The following SCN1A variants were observed in gnomAD, a reference collection of about 807,000 sequenced individuals.
SCN1A encodes sodium channel protein type 1 subunit alpha.
In SCN1A, 13 loss-of-function variants were observed where a neutral mutation model predicts 193.7. The ratio of observed to expected loss-of-function variants is 0.07; its 90% CI spans 0.04 to 0.11. The LOEUF (loss-of-function observed/expected upper bound fraction) is 0.11. SCN1A is among the 10% of genes least tolerant of loss of function. SCN1A has a pLI of 1.00. For synonymous variants in SCN1A, 781 were observed against 843.6 expected (o/e 0.93, Z 1.29); for missense variants, 1,432 against 2,451.1 (o/e 0.58, Z 8.78).
At chr2:166,017,690 A>G (rs1693487590) in intron 19 of SCN1A, among the ~76,000 whole-genome samples, 1 of 152,046 alleles carries the variant, frequency 6.6e-6, no homozygotes, top group Non-Finnish European at 1.5e-5. Context: ...TCATGAAACA[A>G]TTAGAGAGTG....
At chr2:166,062,956 A>T (rs1683470746) in intron 4 of SCN1A, among the ~76,000 whole-genome samples, 2 of 152,076 alleles carry the variant, frequency 1.3e-5, no homozygotes, top group African/African-American at 4.8e-5. Flanking sequence ...GTGGTGGAGG[A>T]GAAAAGGTTT....
intron 17 of SCN1A, among the ~76,000 whole-genome samples, chr2:166,038,946 A>C (rs1696799334): frequency 6.6e-6 from 1 of 152,212 alleles, no homozygotes. Flanking sequence ...TGTGTGAATT[A>C]ATGGGCATGC....
intron 4 of SCN1A, 28 bp from the exon 5 acceptor site, chr2:166,058,716 T>C (rs1169583248): frequency 8.0e-7 from 1 of 1,242,770 alleles, no homozygotes; most frequent in Non-Finnish European, 1.2e-6. Flanking sequence ...AACATAGAAG[T>C]ATGAAAGTAT....
At chr2:166,080,538 G>A (rs943087639) in intron 2 of SCN1A, among the ~76,000 whole-genome samples, 1 of 151,714 alleles carries the variant, frequency 6.6e-6, no homozygotes, top group Non-Finnish European at 1.5e-5. Flanking sequence ...AGAGTAGTGG[G>A]CAATAGAAAA....
chr2:166,092,461 GT>G (rs1686911513), intron 2 of SCN1A: 3 of 152,194 alleles, frequency 2.0e-5, no homozygotes, highest in Admixed American at 1.3e-4. Flanking sequence ...GCAGGTATTG[GT>G]TTGTTGATTA....
At chr2:166,044,179 A>G in intron 13 of SCN1A, 130 bp from the exon 14 acceptor site, 1 of 1,068,334 alleles carries the variant, frequency 9.4e-7, no homozygotes, top group Non-Finnish European at 1.3e-6. Context: ...CCTTTTGATT[A>G]TCATTCTCAT....
chr2:165,999,628 A>G lies in SCN1A; in HGVS notation c.4338+95T>C, dbSNP rs183642891. ...TTTTTCCCAAATATTTTAAATCAAG[A>G]TAGAATCATTTCATTTGGTCGTTTA... On this transcript the variant is annotated intron_variant, in intron 25 of 28. Coordinates refer to ENST00000674923, the MANE Select transcript of SCN1A (RefSeq NM_001165963.4). 101 of 917,338 alleles carry G rather than the reference A, an allele frequency of 1.1e-4. No homozygotes were observed. The East Asian group carries it at 2.3e-3, about 20-fold the overall frequency. 56.8% of individuals were successfully genotyped at this position (917,338 alleles called of 1,614,324 possible). A position where few individuals can be genotyped will look rare whatever the true frequency, so the allele number is the denominator to read the frequency against.
At chr2:166,135,371 CA>C in intron 1 of SCN1A, among the ~76,000 whole-genome samples, 1 of 144,034 alleles carries the variant, frequency 6.9e-6, no homozygotes, top group South Asian at 2.2e-4. Context: ...TTAGCATAAG[CA>C]AATATGTAGT....
At chr2:166,054,142 TTC>T (rs1399834591) in intron 7 of SCN1A, among the ~76,000 whole-genome samples, 1 of 152,020 alleles carries the variant, frequency 6.6e-6, no homozygotes, top group African/African-American at 2.4e-5. Context: ...ATCTTCTTTC[TTC>T]TCTTAGTTTG....
At chr2:166,144,307 G>C (rs901206872) in intron 1 of SCN1A, among the ~76,000 whole-genome samples, 1 of 152,180 alleles carries the variant, frequency 6.6e-6, no homozygotes, top group African/African-American at 2.4e-5. Flanking sequence ...TTTCGTTGGT[G>C]AAAACAGAGA....
intron 19 of SCN1A, among the ~76,000 whole-genome samples, chr2:166,031,045 G>C (rs922966447): frequency 5.9e-5 from 9 of 151,982 alleles, no homozygotes; most frequent in Non-Finnish European, 5.9e-5. Flanking sequence ...CATGAGTCAA[G>C]AAATTTTCTG....
chr2:166,061,468 T>C (rs1466914985), intron 4 of SCN1A, among the ~76,000 whole-genome samples: 1 of 152,090 alleles, frequency 6.6e-6, no homozygotes, highest in Non-Finnish European at 1.5e-5. Flanking sequence ...AAATTACAAC[T>C]AGATAGGAGG....
At chr2:165,998,550 G>A (rs1690405745) in intron 25 of SCN1A, among the ~76,000 whole-genome samples, 1 of 151,262 alleles carries the variant, frequency 6.6e-6, no homozygotes, top group African/African-American at 2.4e-5. Context: ...AGTCATTCAT[G>A]TATGCATGAA....
At chr2:166,126,221 T>TA (rs1337934366) in intron 2 of SCN1A, 1 of 152,208 alleles carries the variant, frequency 6.6e-6, no homozygotes. Context: ...AGACACCAGC[T>TA]AAAAATCTCT....
At position 165,998,258 on chromosome 2, in the gene SCN1A, A is replaced by T. The variant is rs532148333; in HGVS notation, c.4339-83T>A. The T allele has an allele frequency of 9.7e-5, 117 of 1,210,374 alleles. No individual in the cohort carries two copies. The African/African-American group carries it at 1.6e-3, about 17-fold the overall frequency. 75.0% of individuals were successfully genotyped at this position (1,210,374 alleles called of 1,614,324 possible). ...ACTGGTGCTTTTTCATAACAATAGA[A>T]AAAATTATTCTTACTAATATGTCAG... On this transcript the variant is annotated intron_variant, in intron 25 of 28. Coordinates refer to ENST00000674923, the MANE Select transcript of SCN1A (RefSeq NM_001165963.4).
intron 1 of SCN1A, among the ~76,000 whole-genome samples, chr2:166,140,529 A>C (rs1692038011): frequency 6.6e-6 from 1 of 152,170 alleles, no homozygotes; most frequent in Non-Finnish European, 1.5e-5. Flanking sequence ...CTTCCATAGC[A>C]AGTGAAAGAA....
At chr2:166,057,827 G>T (rs1699282202) in intron 5 of SCN1A, among the ~76,000 whole-genome samples, 1 of 151,954 alleles carries the variant, frequency 6.6e-6, no homozygotes, top group African/African-American at 2.4e-5. Flanking sequence ...AATCAGAAGT[G>T]AATTGTTTTC....
chr2:166,099,407 A>G (rs1343760307), intron 2 of SCN1A, among the ~76,000 whole-genome samples: 1 of 151,152 alleles, frequency 6.6e-6, no homozygotes, highest in Non-Finnish European at 1.5e-5. Context: ...CCAATATCAT[A>G]CTGAATGGGC....
intron 2 of SCN1A, among the ~76,000 whole-genome samples, chr2:166,088,743 C>T (rs1379482379): frequency 6.6e-6 from 1 of 152,144 alleles, no homozygotes; most frequent in Non-Finnish European, 1.5e-5. Context: ...TAGAATGTTA[C>T]CAAGTTGGCC....
Sources: allele counts gnomAD v4.1 joint callset (sites outside exome capture counted in the v4.1 genomes callset), GRCh38; gene constraint gnomAD v4.1.1; transcripts MANE v1.5; gene names NCBI Gene and HGNC (gene_info 2026-07-23, HGNC 2026-07-21).